The following CNTN5 variants were observed in gnomAD, a reference collection of about 807,000 sequenced individuals.
The protein encoded by CNTN5 is contactin 5.
A neutral mutation model predicts 129.1 loss-of-function variants in CNTN5; 77 were observed. That is an observed-to-expected ratio of 0.60 (90% confidence interval 0.50 to 0.72). The LOEUF (loss-of-function observed/expected upper bound fraction) is 0.72, where lower values mean the gene tolerates loss of function less well. Ranked by LOEUF, CNTN5 falls within the 30% of genes least tolerant of loss-of-function variation. The pLI is 0.00. For missense variants in CNTN5, 1,478 were observed against 1,328.8 expected, an observed-to-expected ratio of 1.11 and a Z score of -1.75; for synonymous variants, 509 against 465.6, an observed-to-expected ratio of 1.09 and a Z score of -1.20.
intron 6 of CNTN5, among the ~76,000 whole-genome samples, chr11:99,876,579 A>G (rs1948638604): frequency 1.3e-5 from 2 of 152,206 alleles, no homozygotes; most frequent in African/African-American, 4.8e-5. Context: ...ACTATAACAC[A>G]TGAGGCATTC....
At chr11:99,463,266 A>T (rs375964285) in intron 2 of CNTN5, among the ~76,000 whole-genome samples, 1 of 150,262 alleles carries the variant, frequency 6.7e-6, no homozygotes, top group Non-Finnish European at 1.5e-5. Context: ...GTGAAACCCC[A>T]TCTCTACTAA....
At chr11:99,620,933 C>G (rs1302561408) in intron 3 of CNTN5, among the ~76,000 whole-genome samples, 1 of 138,888 alleles carries the variant, frequency 7.2e-6, no homozygotes, top group African/African-American at 2.6e-5. Flanking sequence ...AATTTTTTTT[C>G]TTTACATTTT....
At chr11:99,230,572 A>G (rs1860940035) in intron 1 of CNTN5, among the ~76,000 whole-genome samples, 2 of 152,200 alleles carry the variant, frequency 1.3e-5, no homozygotes. Flanking sequence ...TGTCATATCA[A>G]TTTAAAGCAG....
chr11:99,565,965 C>T (rs944312748), intron 3 of CNTN5, among the ~76,000 whole-genome samples: 1 of 152,250 alleles, frequency 6.6e-6, no homozygotes, highest in African/African-American at 2.4e-5. Flanking sequence ...GATATCATTG[C>T]TTTCAATAAG....
At chr11:100,110,172 G>C (rs1220132215) in intron 13 of CNTN5, among the ~76,000 whole-genome samples, 3 of 148,190 alleles carry the variant, frequency 2.0e-5, no homozygotes, top group Non-Finnish European at 4.4e-5. Context: ...GGGTGACAGA[G>C]TGAGACCCTA....
chr11:99,297,573 C>A (rs1192786911), intron 1 of CNTN5, among the ~76,000 whole-genome samples: 1 of 152,154 alleles, frequency 6.6e-6, no homozygotes, highest in African/African-American at 2.4e-5. Flanking sequence ...TGGAACATTC[C>A]ACTGTAAGTT....
At chr11:99,953,358 C>T (rs1273205343) in intron 7 of CNTN5, among the ~76,000 whole-genome samples, 5 of 152,128 alleles carry the variant, frequency 3.3e-5, no homozygotes, top group Non-Finnish European at 2.9e-5. Context: ...ATATTTGAAT[C>T]CCTAAAATCT....
At chr11:99,823,476 C>T (rs916941878) in intron 4 of CNTN5, among the ~76,000 whole-genome samples, 4 of 151,098 alleles carry the variant, frequency 2.6e-5, no homozygotes, top group Admixed American at 6.6e-5. Flanking sequence ...CTTTTTAGTC[C>T]TGTTTGTTAT....
intron 13 of CNTN5, among the ~76,000 whole-genome samples, chr11:100,144,467 G>T (rs559430479): frequency 1.6e-4 from 24 of 152,000 alleles, no homozygotes; most frequent in African/African-American, 5.5e-4. Context: ...GAGAACATGT[G>T]GTATTTGATT....
intron 3 of CNTN5, among the ~76,000 whole-genome samples, chr11:99,684,365 A>C (rs1280768280): frequency 1.3e-5 from 2 of 151,928 alleles, no homozygotes; most frequent in African/African-American, 4.8e-5. Context: ...TGGGTTATTG[A>C]ATACATGTAT....
chr11:99,042,219 C>A (rs1045481099), intron 1 of CNTN5, among the ~76,000 whole-genome samples: 14 of 151,642 alleles, frequency 9.2e-5, no homozygotes, highest in African/African-American at 3.4e-4. Flanking sequence ...AAAAGTTTTT[C>A]TTTATTATAC....
chr11:99,877,611 TAAAA>T lies in CNTN5; in HGVS notation c.577+32356_577+32359del, dbSNP rs5794026. On this transcript the variant is annotated intron_variant, in intron 6 of 24. Coordinates refer to ENST00000524871, the MANE Select transcript of CNTN5 (RefSeq NM_014361.4). The stretch of plus-strand genomic sequence containing the variant: ...GTTTATTTCTTCATAATCTTTAGTT[TAAAA>T]AAAAAATAAGGAAAGTGCTGTTTTA... 9.0e-4 allele frequency among the ~76,000 whole-genome samples: 136 copies of T among 151,744 alleles called. 1 individual carries two copies. Among genetic ancestry groups the T allele is most frequent in the African/African-American group, 2.9e-3 (122 of 41,408 alleles).
intron 6 of CNTN5, among the ~76,000 whole-genome samples, chr11:99,878,841 G>A (rs367750841): frequency 1.3e-5 from 2 of 152,214 alleles, no homozygotes; most frequent in South Asian, 2.1e-4. Context: ...GCGACAGAGC[G>A]AGACTCCGTC....
chr11:99,611,836 C>A (rs1167091596), intron 3 of CNTN5, among the ~76,000 whole-genome samples: 3 of 152,122 alleles, frequency 2.0e-5, no homozygotes, highest in African/African-American at 4.8e-5. Context: ...CAGTTTTATA[C>A]TTTTGGATAA....
At chr11:99,285,373 C>T (rs963733544) in intron 1 of CNTN5, among the ~76,000 whole-genome samples, 7 of 152,092 alleles carry the variant, frequency 4.6e-5, no homozygotes, top group African/African-American at 1.7e-4. Flanking sequence ...TCTGACTCCA[C>T]TCCTTCCATC....
chr11:99,975,905 A>G (rs72994830), intron 8 of CNTN5, among the ~76,000 whole-genome samples: 39,196 of 152,070 alleles, frequency 0.26, 5,954 homozygotes, highest in South Asian at 0.35. Flanking sequence ...AACTTATTCC[A>G]GCATTACTCA....
chr11:100,221,220 A>G (rs78690693), intron 15 of CNTN5, among the ~76,000 whole-genome samples: 2,593 of 152,330 alleles, frequency 0.017, 72 homozygotes, highest in African/African-American at 0.06. Context: ...AGCTATGCAA[A>G]CAGGCTATGG....
At chr11:99,995,326 T>TAA (rs5794033) in intron 8 of CNTN5, among the ~76,000 whole-genome samples, 54,440 of 147,684 alleles carry the variant, frequency 0.37, 10,960 homozygotes, top group African/African-American at 0.55. Flanking sequence ...GCCAAAAAAT[T>TAA]AAAAAAAAAA....
At chr11:99,058,551 T>C (rs1864732568) in intron 1 of CNTN5, among the ~76,000 whole-genome samples, 1 of 152,024 alleles carries the variant, frequency 6.6e-6, no homozygotes, top group Admixed American at 6.6e-5. Flanking sequence ...GAAAGTTACA[T>C]GCCAGGATTT....
Sources: allele counts gnomAD v4.1 joint callset (sites outside exome capture counted in the v4.1 genomes callset), GRCh38; gene constraint gnomAD v4.1.1; transcripts MANE v1.5; gene names NCBI Gene and HGNC (gene_info 2026-07-23, HGNC 2026-07-21).